F13A1: variants seen among roughly 807,000 people sequenced by gnomAD.
F13A1 encodes coagulation factor XIII A chain.
In F13A1, 47 loss-of-function variants were observed where a neutral mutation model predicts 80.1. The ratio of observed to expected loss-of-function variants is 0.59; its 90% CI spans 0.46 to 0.75. The LOEUF is 0.75. F13A1 is among the 30% of genes least tolerant of loss of function. The probability of loss-of-function intolerance (pLI) is 0.00; values close to 1 mark genes in which losing one functional copy is unlikely to be tolerated. For synonymous variants in F13A1, 349 were observed against 344.9 expected (o/e 1.01, Z -0.13); for missense variants, 817 against 930.4 (o/e 0.88, Z 1.59).
At chr6:6,311,542 C>A (rs1392237340) in intron 2 of F13A1, among the ~76,000 whole-genome samples, 11 of 134,174 alleles carry the variant, frequency 8.2e-5, no homozygotes, top group Admixed American at 3.0e-4. Flanking sequence ...AAGACAAAAC[C>A]CCAGCTCATG....
At chr6:6,311,237 C>T (rs965022761) in intron 2 of F13A1, among the ~76,000 whole-genome samples, 1 of 152,018 alleles carries the variant, frequency 6.6e-6, no homozygotes, top group Non-Finnish European at 1.5e-5. Context: ...AAATTTGGAG[C>T]GTAGAGTTGA....
At position 6,221,698 on chromosome 6, in the gene F13A1, G is replaced by A. The variant is rs139596984; in HGVS notation, c.1112+335C>T. Among the ~76,000 whole-genome samples, 354 of 152,248 alleles carry A rather than the reference G, an allele frequency of 2.3e-3. 1 individual carries two copies. The highest frequency in any genetic ancestry group is 8.0e-3 in the African/African-American group (331 of 41,542). On this transcript the variant is annotated intron_variant, in intron 8 of 14. Coordinates refer to ENST00000264870, the MANE Select transcript of F13A1 (RefSeq NM_000129.4). Reference sequence around the variant, plus strand: ...GTCCCAGGGCACTGACCCAGAGAACGCTTGGCTCCAATACTTCTGCTATTA... The same window carrying A: ...GTCCCAGGGCACTGACCCAGAGAACACTTGGCTCCAATACTTCTGCTATTA...
intron 3 of F13A1, among the ~76,000 whole-genome samples, chr6:6,302,126 A>C (rs894735525): frequency 1.3e-5 from 2 of 152,302 alleles, no homozygotes; most frequent in Non-Finnish European, 1.5e-5. Context: ...TGAACGGCCT[A>C]TGAGAGTGTT....
intron 3 of F13A1, among the ~76,000 whole-genome samples, chr6:6,290,700 T>G (rs1378170751): frequency 1.3e-5 from 2 of 152,202 alleles, no homozygotes; most frequent in East Asian, 3.9e-4. Context: ...TCCTACTTTC[T>G]TAGATGCCAT....
intron 3 of F13A1, among the ~76,000 whole-genome samples, chr6:6,283,022 A>C (rs1199225395): frequency 6.6e-6 from 1 of 152,158 alleles, no homozygotes; most frequent in Admixed American, 6.5e-5. Context: ...CACCACCTTA[A>C]TCGAGTGGTT....
At chr6:6,176,748 T>C (rs999075499) in intron 11 of F13A1, among the ~76,000 whole-genome samples, 7 of 152,142 alleles carry the variant, frequency 4.6e-5, no homozygotes, top group African/African-American at 1.2e-4. Context: ...TTAATGATGA[T>C]CACTTTGGAT....
intron 8 of F13A1, 138 bp downstream of exon 8, chr6:6,221,895 G>T: frequency 1.0e-6 from 1 of 980,524 alleles, no homozygotes; most frequent in Non-Finnish European, 1.5e-6. Context: ...AACATTCTTT[G>T]ACAATCAGAG....
chr6:6,156,208 TC>T (rs1209960025), intron 13 of F13A1, among the ~76,000 whole-genome samples: 1 of 152,268 alleles, frequency 6.6e-6, no homozygotes, highest in East Asian at 1.9e-4. Flanking sequence ...AAGTTACATA[TC>T]ACTTACTGAT....
intron 3 of F13A1, among the ~76,000 whole-genome samples, chr6:6,296,293 G>T (rs1305817063): frequency 6.6e-6 from 1 of 151,640 alleles, no homozygotes; most frequent in Non-Finnish European, 1.5e-5. Flanking sequence ...AAAGTCACTG[G>T]TAGCTTGATG....
At chr6:6,295,317 C>T (rs1758306036) in intron 3 of F13A1, among the ~76,000 whole-genome samples, 1 of 148,870 alleles carries the variant, frequency 6.7e-6, no homozygotes, top group African/African-American at 2.6e-5. Flanking sequence ...GAGGAATTGC[C>T]ACACTGACTT....
At chr6:6,309,353 T>C (rs1034707367) in intron 2 of F13A1, among the ~76,000 whole-genome samples, 1 of 151,898 alleles carries the variant, frequency 6.6e-6, no homozygotes, top group Non-Finnish European at 1.5e-5. Flanking sequence ...CTAACCCACA[T>C]TTAGGGGGTA....
rs1179323389 is a variant in F13A1 at position 6,250,845 on chromosome 6, T to C, written c.656A>G (p.Asn219Ser). The change falls in exon 5 of 15, where the codon AAT becomes AGT. Residue 219 changes from asparagine (N) to serine (S), a missense_variant. Transcript: ENST00000264870. The surrounding 1 kb of genome is among the most constrained non-coding windows in gnomAD (Gnocchi z 4.2). ...GCTCCAGCTTCTGGTCTTGATGTCA[T>C]TGACCTCTCCATAAAAAATTACCCC... ...DIGVIFYGEV[N>S]DIKTRSWSYG... is the part of the protein sequence containing the mutation. The C allele has an allele frequency of 4.3e-6, 7 of 1,613,608 alleles. No individual in the cohort carries two copies. The highest frequency in any genetic ancestry group is 1.1e-5 in the South Asian group (1 of 91,080).
intron 3 of F13A1, among the ~76,000 whole-genome samples, chr6:6,280,351 A>G (rs868377676): frequency 2.6e-5 from 4 of 152,254 alleles, no homozygotes; most frequent in Non-Finnish European, 5.9e-5. Flanking sequence ...GAGCAAGAGT[A>G]GTAGACCGTG....
intron 10 of F13A1, among the ~76,000 whole-genome samples, chr6:6,183,396 A>G (rs895823258): frequency 1.3e-5 from 2 of 152,230 alleles, no homozygotes; most frequent in African/African-American, 4.8e-5. Context: ...ATATTGTTTA[A>G]GGATTCAGAA....
chr6:6,269,451 T>G (rs1757890310), intron 3 of F13A1, among the ~76,000 whole-genome samples: 1 of 151,990 alleles, frequency 6.6e-6, no homozygotes, highest in Non-Finnish European at 1.5e-5. Context: ...CTAAAAAACC[T>G]TGAGCTGACT....
intron 8 of F13A1, among the ~76,000 whole-genome samples, chr6:6,210,901 T>C (rs1334149765): frequency 6.6e-6 from 1 of 151,920 alleles, no homozygotes; most frequent in Non-Finnish European, 1.5e-5. Context: ...GCTAATTTTT[T>C]TGTATTTTTA....
At position 6,224,714 on chromosome 6, in the gene F13A1, G is replaced by A. The variant is rs1011992471; in HGVS notation, c.945C>T (p.Cys315=). The change falls in exon 7 of 15, where the codon TGC becomes TGT. Residue 315 remains cysteine (C), a synonymous_variant. Transcript: ENST00000264870. Reference sequence around the variant, plus strand: ...TGTTAAAGACACCAGCAAAAACCCAGCATTGGCCATACCGGACTGGATTCT... The same window carrying A: ...TGTTAAAGACACCAGCAAAAACCCAACATTGGCCATACCGGACTGGATTCT... The part of the protein sequence containing the change: ...SSENPVRYGQ[C]WVFAGVFNTF... The A allele has an allele frequency of 3.1e-6, 5 of 1,613,938 alleles. No homozygotes were observed. Among genetic ancestry groups the A allele is most frequent in the African/African-American group, 1.3e-5 (1 of 74,908 alleles).
At chr6:6,299,828 C>G (rs1297950090) in intron 3 of F13A1, among the ~76,000 whole-genome samples, 3 of 148,470 alleles carry the variant, frequency 2.0e-5, no homozygotes, top group Non-Finnish European at 4.4e-5. Context: ...AGGCGGTCTG[C>G]TTTTTAGAGT....
rs532898420 is a variant in F13A1 at position 6,208,321 on chromosome 6, C to T, written c.1113-10995G>A. On this transcript the variant is annotated intron_variant, in intron 8 of 14. Transcript: ENST00000264870. ...AAGAATCAATGAACTTGAAGGTAGG[C>T]CAATTGAAATTATCCAATTTGAATA... Among the ~76,000 whole-genome samples the T allele has an allele frequency of 3.3e-4, 50 of 152,162 alleles. No homozygotes were observed. The South Asian group carries it at 0.01, about 31-fold the overall frequency.
Sources: allele counts gnomAD v4.1 joint callset (sites outside exome capture counted in the v4.1 genomes callset), GRCh38; gene constraint gnomAD v4.1.1; non-coding constraint Gnocchi (gnomAD v3.1); transcripts MANE v1.5; gene names NCBI Gene and HGNC (gene_info 2026-07-23, HGNC 2026-07-21).